HYOU1: variants seen among roughly 807,000 people sequenced by gnomAD.
HYOU1 encodes hypoxia up-regulated protein 1.
In HYOU1, 40 loss-of-function variants were observed where a neutral mutation model predicts 120.5. The observed-to-expected ratio is 0.33, with a 90% CI of 0.26 to 0.43. The LOEUF (loss-of-function observed/expected upper bound fraction) is 0.43, where lower values mean the gene tolerates loss of function less well. Ranked by LOEUF, HYOU1 falls within the 20% of genes least tolerant of loss-of-function variation. The pLI is 1.00. For synonymous variants in HYOU1, 501 were observed against 479.4 expected, an observed-to-expected ratio of 1.05 and a Z score of -0.59; for missense variants, 1,085 against 1,278.3, an observed-to-expected ratio of 0.85 and a Z score of 2.31.
chr11:119,045,309 T>C lies in HYOU1; in HGVS notation c.*284A>G. ...TCTCTTCCTACCCACAGGCAAAGGATTCAGAAATTAATAGTGATTTTTCCC... is the reference window on the plus strand; with the variant it reads ...TCTCTTCCTACCCACAGGCAAAGGACTCAGAAATTAATAGTGATTTTTCCC... On this transcript the variant is annotated 3_prime_UTR_variant, in exon 26 of 26. Coordinates refer to ENST00000617285, the MANE Select transcript of HYOU1 (RefSeq NM_006389.5). The C allele has an allele frequency of 3.4e-6, 2 of 580,870 alleles. No individual in the cohort carries two copies. The highest frequency in any genetic ancestry group is 6.5e-6 in the Non-Finnish European group (2 of 309,470). 36.0% of individuals were successfully genotyped at this position (580,870 alleles called of 1,614,324 possible).
Position 119,052,898 on chromosome 11 carries a change from C to T in HYOU1, c.795-69G>A. On this transcript the variant is annotated intron_variant, in intron 8 of 25. Coordinates refer to ENST00000617285, the MANE Select transcript of HYOU1 (RefSeq NM_006389.5). The surrounding 1 kb of genome is among the most constrained non-coding windows in gnomAD (Gnocchi z 5.0). ...AGTCCCCGCATCTGCACAGGAGCCT[C>T]TCATCCCCACATGGCACCTTTCCTT... 7.2e-7 allele frequency: 1 copy of T among 1,396,588 alleles called. No homozygotes were observed. The highest frequency in any genetic ancestry group is 9.7e-7 in the Non-Finnish European group (1 of 1,027,700). 86.5% of individuals were successfully genotyped at this position (1,396,588 alleles called of 1,614,324 possible). A position where few individuals can be genotyped will look rare whatever the true frequency, so the allele number is the denominator to read the frequency against.
Position 119,044,544 on chromosome 11 carries a change from G to A in HYOU1, c.*1049C>T, listed in dbSNP as rs138838466. ...CAGAGTGATGCACAGAGGAAGGCCAGCCCTGACCCTCCTCCTTCATCCACA... is the reference window on the plus strand; with the variant it reads ...CAGAGTGATGCACAGAGGAAGGCCAACCCTGACCCTCCTCCTTCATCCACA... On this transcript the variant is annotated 3_prime_UTR_variant, in exon 26 of 26. Transcript: ENST00000617285. 115 of 155,054 alleles carry A rather than the reference G, an allele frequency of 7.4e-4. No individual in the cohort carries two copies. The East Asian group carries it at 0.015, about 20-fold the overall frequency. 9.6% of individuals were successfully genotyped at this position (155,054 alleles called of 1,614,324 possible).
chr11:119,046,819 G>A lies in HYOU1; in HGVS notation c.2596-17C>T, dbSNP rs1455726129. 2 of 1,597,802 alleles carry A rather than the reference G, an allele frequency of 1.3e-6. No individual in the cohort carries two copies. The highest frequency in any genetic ancestry group is 2.7e-5 in the African/African-American group (2 of 74,846). ...CTTCCAGGCCTGTGGGTGAGACCAGGAGAGGCTCCAAGCTAGCCATGGAGA... is the reference window on the plus strand; with the variant it reads ...CTTCCAGGCCTGTGGGTGAGACCAGAAGAGGCTCCAAGCTAGCCATGGAGA... On this transcript the variant is annotated splice_polypyrimidine_tract_variant and intron_variant, in intron 22 of 25. Coordinates refer to ENST00000617285, the MANE Select transcript of HYOU1 (RefSeq NM_006389.5).
chr11:119,051,469 C>T lies in HYOU1; in HGVS notation c.1495G>A (p.Asp499Asn), dbSNP rs2133585158. The change falls in exon 13 of 26, where the codon GAC (aspartate) becomes AAC (asparagine). Residue 499 changes from aspartate to asparagine, a missense_variant. Coordinates refer to ENST00000617285, the MANE Select transcript of HYOU1 (RefSeq NM_006389.5). This position sits in a 1 kb window ranked among gnomAD's most constrained non-coding sequence, Gnocchi z 4.2. ...TCTTCAGGCCCCAGGAAGCCCAGGTCGCCGTAGTTGATGTGGAAGTTGAAA... is the reference window on the plus strand; with the variant it reads ...TCTTCAGGCCCCAGGAAGCCCAGGTTGCCGTAGTTGATGTGGAAGTTGAAA... ...HDFNFHINYG[D>N]LGFLGPEDLR... 4.3e-6 allele frequency: 7 copies of T among 1,614,092 alleles called. No individual in the cohort carries two copies. The highest frequency in any genetic ancestry group is 2.2e-5 in the East Asian group (1 of 44,872).
At position 119,051,697 on chromosome 11, in the gene HYOU1, G is replaced by A. The variant is rs1944451098; in HGVS notation, c.1339-72C>T. Reference sequence around the variant, plus strand: ...CGAGTAGGTTCTGGGGTAAGGATGGGGGTGGGATGGGGGAGACCTCTTAGC... The same window carrying A: ...CGAGTAGGTTCTGGGGTAAGGATGGAGGTGGGATGGGGGAGACCTCTTAGC... On this transcript the variant is annotated intron_variant, in intron 12 of 25. Transcript: ENST00000617285. The surrounding 1 kb of genome is among the most constrained non-coding windows in gnomAD (Gnocchi z 4.2). 1.3e-6 allele frequency: 2 copies of A among 1,595,358 alleles called. No individual in the cohort carries two copies. Among genetic ancestry groups the A allele is most frequent in the African/African-American group, 2.7e-5 (2 of 74,476 alleles).
intron 16 of HYOU1, 133 bp downstream of exon 16, chr11:119,049,423 C>T (rs1944284755): frequency 6.4e-7 from 1 of 1,567,540 alleles, no homozygotes; most frequent in South Asian, 1.1e-5. Context: ...CAGCTCAGAG[C>T]CCAGAGGATC....
At chr11:119,056,192 A>T in intron 1 of HYOU1, 25 bp from the exon 2 acceptor site, 3 of 1,523,078 alleles carry the variant, frequency 2.0e-6, no homozygotes, top group Non-Finnish European at 1.8e-6. Flanking sequence ...GAAAGAAAAC[A>T]CTTAAAACTG....
chr11:119,053,288 T>A (rs2133598332), intron 8 of HYOU1: 62 of 163,792 alleles, frequency 3.8e-4, no homozygotes, highest in Non-Finnish European at 6.6e-4. Context: ...ACCTGAAGGA[T>A]GAGTTCAGTG....
At position 119,052,614 on chromosome 11, in the gene HYOU1, C is replaced by T; in HGVS notation, c.987+23G>A. Reference sequence around the variant, plus strand: ...CCCTCTACGTGGGACAAAATATAGCCTCAACCAGCCACTTGTGGGCACCTG... The same window carrying T: ...CCCTCTACGTGGGACAAAATATAGCTTCAACCAGCCACTTGTGGGCACCTG... On this transcript the variant is annotated intron_variant, in intron 9 of 25. Coordinates refer to ENST00000617285, the MANE Select transcript of HYOU1 (RefSeq NM_006389.5). This position sits in a 1 kb window ranked among gnomAD's most constrained non-coding sequence, Gnocchi z 5.0. The T allele has an allele frequency of 4.4e-6, 7 of 1,599,594 alleles. No homozygotes were observed. Among genetic ancestry groups the T allele is most frequent in the Non-Finnish European group, 6.0e-6 (7 of 1,171,428 alleles).
chr11:119,051,096 T>A lies in HYOU1; in HGVS notation c.1604A>T (p.Glu535Val). 1 of 1,614,214 alleles carries A rather than the reference T, an allele frequency of 6.2e-7. No individual in the cohort carries two copies. The highest frequency in any genetic ancestry group is 8.5e-7 in the Non-Finnish European group (1 of 1,180,036). The change falls in exon 14 of 26, where the codon GAG becomes GTG. Residue 535 changes from glutamate (E) to valine (V), a missense_variant. Physicochemically the swap from Glu to Val is moderately radical, Grantham distance 121. Around this residue, in one of 4 missense-constraint regions of HYOU1, gnomAD observed 515 missense variants for 677.8 expected, o/e 0.76. Coordinates refer to ENST00000617285, the MANE Select transcript of HYOU1 (RefSeq NM_006389.5). This position sits in a 1 kb window ranked among gnomAD's most constrained non-coding sequence, Gnocchi z 4.2. ...GAAGTGAGCCTTGATGCCCTTGGAC[T>A]CGTAGTCAGGATACTTCTTGAAGCT... ...GDSFKKYPDY[E>V]SKGIKAHFNL...
Position 119,045,742 on chromosome 11 carries a change from C to T in HYOU1, c.2938+39G>A, listed in dbSNP as rs150671584. 3,438 of 1,613,266 alleles carry T rather than the reference C, an allele frequency of 2.1e-3. 6 individuals carry two copies. The highest frequency in any genetic ancestry group is 2.5e-3 in the South Asian group (232 of 91,060). On this transcript the variant is annotated intron_variant, in intron 25 of 25. Transcript: ENST00000617285. ...TCTTTGCAAAGGATTTCCTGAGACC[C>T]CACCAGGCTTCCCACCGTAGCCCCG...
rs143229379 is a variant in HYOU1 at position 119,044,489 on chromosome 11, G to A, written c.*1104C>T. On this transcript the variant is annotated 3_prime_UTR_variant, in exon 26 of 26. Coordinates refer to ENST00000617285, the MANE Select transcript of HYOU1 (RefSeq NM_006389.5). ...CTGGAGGACGGGCTCCCTAGGCGTA[G>A]GTATGGTGGGTCGGGGGCCCCCAAC... 1 of 152,778 alleles carries A rather than the reference G, an allele frequency of 6.5e-6. No homozygotes were observed. Among genetic ancestry groups the A allele is most frequent in the Non-Finnish European group, 1.5e-5 (1 of 68,172 alleles). The allele number at this position is 152,778 out of a possible 1,614,324, so 9.5% of individuals were successfully genotyped here. A position where few individuals can be genotyped will look rare whatever the true frequency, so the allele number is the denominator to read the frequency against.
Position 119,055,453 on chromosome 11 carries a change from C to G in HYOU1, c.264+40G>C, listed in dbSNP as rs1448116610. 1 of 1,608,042 alleles carries G rather than the reference C, an allele frequency of 6.2e-7. No individual in the cohort carries two copies. ...GACTCTGGGGGCTGCCATCTCCTCT[C>G]CTCTGCCCACCACTCTGGGAAGAGG... On this transcript the variant is annotated intron_variant, in intron 4 of 25. Coordinates refer to ENST00000617285, the MANE Select transcript of HYOU1 (RefSeq NM_006389.5). This position sits in a 1 kb window ranked among gnomAD's most constrained non-coding sequence, Gnocchi z 4.0.
Position 119,048,536 on chromosome 11 carries a change from C to A in HYOU1, c.2193G>T (p.Leu731=). ...CAGCTTTTTCCCGTTCCTGCTTCTC[C>A]AGGTCTCGGAGTGTCAAGTCCTGAA... ...QKLQDLTLRD[L]EKQEREKAAN... Residue 731 remains leucine, a synonymous_variant, in exon 19 of 26, where the codon CTG becomes CTT. Transcript: ENST00000617285. The surrounding 1 kb of genome is among the most constrained non-coding windows in gnomAD (Gnocchi z 4.7). The A allele has an allele frequency of 6.2e-7, 1 of 1,614,118 alleles. No homozygotes were observed. Among genetic ancestry groups the A allele is most frequent in the Non-Finnish European group, 8.5e-7 (1 of 1,180,010 alleles).
intron 24 of HYOU1, 39 bp downstream of exon 24, chr11:119,046,378 G>A: frequency 6.2e-7 from 1 of 1,606,618 alleles, no homozygotes; most frequent in Non-Finnish European, 8.5e-7. Flanking sequence ...CTGGGCTAAT[G>A]CAACATCCAC....
Position 119,054,838 on chromosome 11 carries a change from G to A in HYOU1, c.496+146C>T, listed in dbSNP as rs1442862835. 10 of 1,025,526 alleles carry A rather than the reference G, an allele frequency of 9.8e-6. No individual in the cohort carries two copies. In the South Asian group the frequency reaches 1.2e-4, roughly 13 times the overall value. The allele number at this position is 1,025,526 out of a possible 1,614,324, so 63.5% of individuals were successfully genotyped here. A position where few individuals can be genotyped will look rare whatever the true frequency, so the allele number is the denominator to read the frequency against. On this transcript the variant is annotated intron_variant, in intron 6 of 25. Transcript: ENST00000617285. ...ATCCCCGGCCTCTACCCACTAGATA[G>A]CAGGTGCACCCCTCAGATGTGACAA...
Position 119,046,670 on chromosome 11 carries a change from T to C in HYOU1, c.2728A>G (p.Lys910Glu). 6.2e-7 allele frequency: 1 copy of C among 1,614,158 alleles called. No individual in the cohort carries two copies. Among genetic ancestry groups the C allele is most frequent in the Non-Finnish European group, 8.5e-7 (1 of 1,180,034 alleles). The change falls in exon 23 of 26, where the codon AAG (lysine) becomes GAG (glutamate). Residue 910 changes from lysine (K) to glutamate (E), a missense_variant. By Grantham distance (56) the Lys-to-Glu change is moderately conservative (BLOSUM62 1). Coordinates refer to ENST00000617285, the MANE Select transcript of HYOU1 (RefSeq NM_006389.5). ...GGCCGGGGCCGGGGCTTGGTAAACT[T>C]GGCCTTATTGAGCAGATACTGCACC... is the stretch of plus-strand genomic sequence containing the variant. ...REVQYLLNKA[K>E]FTKPRPRPKD...
Position 119,048,108 on chromosome 11 carries a change from G to A in HYOU1, c.2377-28C>T, listed in dbSNP as rs2133561108. 4 of 1,613,620 alleles carry A rather than the reference G, an allele frequency of 2.5e-6. No individual in the cohort carries two copies. The South Asian group carries it at 3.3e-5, about 13-fold the overall frequency. On this transcript the variant is annotated intron_variant, in intron 20 of 25. Coordinates refer to ENST00000617285, the MANE Select transcript of HYOU1 (RefSeq NM_006389.5). The surrounding 1 kb of genome is among the most constrained non-coding windows in gnomAD (Gnocchi z 4.7). Reference sequence around the variant, plus strand: ...GATGGATGTGCGATTGGGCAGAGGGGTGGAAGGGACGACAGCAGAGCCTGG... The same window carrying A: ...GATGGATGTGCGATTGGGCAGAGGGATGGAAGGGACGACAGCAGAGCCTGG...
rs888583294 is a variant in HYOU1 at position 119,056,223 on chromosome 11, CAG to C, written c.-7-58_-7-57del. The C allele has an allele frequency of 2.7e-5, 33 of 1,218,136 alleles. No individual in the cohort carries two copies. The African/African-American group carries it at 4.6e-4, about 17-fold the overall frequency. 75.5% of individuals were successfully genotyped at this position (1,218,136 alleles called of 1,614,324 possible). The stretch of plus-strand genomic sequence containing the variant: ...AACTGGATACCCGGAGTGAAGGAGA[CAG>C]AATCACATCCCAGAACGGAGAGGCT... On this transcript the variant is annotated intron_variant, in intron 1 of 25. Transcript: ENST00000617285.
Sources: gnomAD v4.1 joint callset for allele counts on GRCh38, gnomAD v4.1.1 for gene constraint, gnomAD v4.1.1 regional missense constraint, Gnocchi (gnomAD v3.1) non-coding constraint, MANE v1.5 for transcripts, NCBI Gene and HGNC (gene_info 2026-07-23, HGNC 2026-07-21) for gene names.